The following CEP70 variants were observed in gnomAD, a reference collection of about 807,000 sequenced individuals.
CEP70 encodes the protein centrosomal protein of 70 kDa.
In CEP70, 70 loss-of-function variants were observed where a neutral mutation model predicts 90.9. That is an observed-to-expected ratio of 0.77 (90% CI 0.64 to 0.94). The LOEUF (loss-of-function observed/expected upper bound fraction) is 0.94. CEP70 is among the 40% of genes least tolerant of loss of function. CEP70 has a pLI of 0.00. For synonymous variants in CEP70, 220 were observed against 228.3 expected (o/e 0.96, Z 0.33); for missense variants, 648 against 669.0 (o/e 0.97, Z 0.35).
intron 6 of CEP70, among the ~76,000 whole-genome samples, chr3:138,537,800 AGG>A (rs1202731785): frequency 6.6e-6 from 1 of 152,208 alleles, no homozygotes; most frequent in African/African-American, 2.4e-5. Context: ...AGAAATAATC[AGG>A]GAGAAAGACA....
At chr3:138,555,025 G>A (rs2039897469) in intron 6 of CEP70, among the ~76,000 whole-genome samples, 1 of 152,108 alleles carries the variant, frequency 6.6e-6, no homozygotes, top group Non-Finnish European at 1.5e-5. Flanking sequence ...GAGGCGGGTA[G>A]ATCATCTGAG....
At chr3:138,499,900 T>A in intron 16 of CEP70, 1 of 474,104 alleles carries the variant, frequency 2.1e-6, no homozygotes, top group South Asian at 2.9e-5. Context: ...TTGAAAGTCT[T>A]TAATTTCACC....
intron 17 of CEP70, chr3:138,497,780 A>C: frequency 1.0e-6 from 1 of 985,216 alleles, no homozygotes; most frequent in Non-Finnish European, 1.2e-6. Context: ...AGGCATGGAC[A>C]GAATGATGCC....
intron 2 of CEP70, among the ~76,000 whole-genome samples, chr3:138,576,769 A>G (rs1348468789): frequency 3.9e-5 from 6 of 152,258 alleles, no homozygotes; most frequent in African/African-American, 1.4e-4. Context: ...ACCACAGTGC[A>G]GTCAAATTAG....
chr3:138,574,036 C>T (rs1424403659), intron 2 of CEP70, among the ~76,000 whole-genome samples: 1 of 152,046 alleles, frequency 6.6e-6, no homozygotes, highest in African/African-American at 2.4e-5. Context: ...ATGCAGAAGA[C>T]AGGTGATTTC....
intron 10 of CEP70, among the ~76,000 whole-genome samples, chr3:138,526,930 AATAT>A (rs1392049261): frequency 6.6e-6 from 1 of 152,046 alleles, no homozygotes; most frequent in Non-Finnish European, 1.5e-5. Flanking sequence ...GTGCCTCATA[AATAT>A]ATACAGCTGT....
At chr3:138,562,743 G>A (rs769378855) in intron 6 of CEP70, among the ~76,000 whole-genome samples, 2 of 152,116 alleles carry the variant, frequency 1.3e-5, no homozygotes, top group Non-Finnish European at 2.9e-5. Flanking sequence ...ACCAGCCACC[G>A]CAAAATCATA....
chr3:138,497,569 A>G, intron 17 of CEP70: 3 of 955,410 alleles, frequency 3.1e-6, no homozygotes, highest in South Asian at 9.7e-5. Flanking sequence ...TATAAGTGTA[A>G]TATTTCATCT....
intron 6 of CEP70, among the ~76,000 whole-genome samples, chr3:138,551,759 TA>T (rs1305306156): frequency 5.3e-5 from 6 of 112,616 alleles, no homozygotes; most frequent in Non-Finnish European, 3.8e-5. Flanking sequence ...AAAAAAAAAA[TA>T]AAATAAAACA....
At chr3:138,526,309 T>C (rs1415741264) in intron 10 of CEP70, among the ~76,000 whole-genome samples, 2 of 152,080 alleles carry the variant, frequency 1.3e-5, no homozygotes, top group Non-Finnish European at 2.9e-5. Flanking sequence ...TACCGATGCG[T>C]ACCACCACAC....
intron 16 of CEP70, among the ~76,000 whole-genome samples, chr3:138,498,794 T>C (rs545050639): frequency 1.0e-4 from 15 of 150,650 alleles, no homozygotes; most frequent in Non-Finnish European, 1.5e-4. Context: ...ATGCCTGTAA[T>C]CCCAGCACTT....
intron 2 of CEP70, among the ~76,000 whole-genome samples, chr3:138,578,621 T>C (rs1282469480): frequency 2.0e-5 from 3 of 151,930 alleles, no homozygotes; most frequent in East Asian, 3.9e-4. Flanking sequence ...GGGAAGAAAA[T>C]AGAAGCAGGA....
At chr3:138,558,825 A>C (rs2108025023) in intron 6 of CEP70, among the ~76,000 whole-genome samples, 1 of 152,332 alleles carries the variant, frequency 6.6e-6, no homozygotes, top group Non-Finnish European at 1.5e-5. Context: ...ACCAGGAGTA[A>C]AAACAGCATA....
intron 13 of CEP70, among the ~76,000 whole-genome samples, chr3:138,504,712 C>T (rs909916063): frequency 3.3e-5 from 5 of 152,084 alleles, no homozygotes; most frequent in Admixed American, 3.3e-4. Context: ...GCAATAAATA[C>T]ACAATAACTC....
At chr3:138,530,539 A>C in intron 8 of CEP70, 1 of 977,364 alleles carries the variant, frequency 1.0e-6, no homozygotes, top group Non-Finnish European at 1.2e-6. Flanking sequence ...TTCGGACAAC[A>C]CTGGCCTTAA....
chr3:138,564,006 T>C (rs2040599045), intron 6 of CEP70, among the ~76,000 whole-genome samples: 1 of 152,058 alleles, frequency 6.6e-6, no homozygotes, highest in South Asian at 2.1e-4. Context: ...TAAAAAATGA[T>C]AAAGGGGATA....
chr3:138,518,813 T>C (rs1437405499), intron 11 of CEP70, among the ~76,000 whole-genome samples: 2 of 151,964 alleles, frequency 1.3e-5, no homozygotes, highest in Non-Finnish European at 2.9e-5. Context: ...TCACCAGCAA[T>C]GGAACAAAGC....
chr3:138,531,580 G>A (rs1356997425), intron 8 of CEP70: 1 of 152,022 alleles, frequency 6.6e-6, no homozygotes, highest in Non-Finnish European at 1.5e-5. Context: ...AGTTTCATTT[G>A]GAAGTCAGAA....
At chr3:138,590,997 C>CAA (rs2042354946) in intron 2 of CEP70, among the ~76,000 whole-genome samples, 1 of 151,888 alleles carries the variant, frequency 6.6e-6, no homozygotes, top group African/African-American at 2.4e-5. Flanking sequence ...TGATTTATAA[C>CAA]AAAAATTTCA....
Sources: gnomAD v4.1 joint callset for allele counts (sites outside exome capture counted in the v4.1 genomes callset) on GRCh38, gnomAD v4.1.1 for gene constraint, MANE v1.5 for transcripts, NCBI Gene and HGNC (gene_info 2026-07-23, HGNC 2026-07-21) for gene names.